Variants in TENM3 observed in about 807,000 individuals in gnomAD.
TENM3 encodes teneurin transmembrane protein 3, also known as teneurin-3.
Under a neutral mutation model 255.1 loss-of-function variants are expected in TENM3, and 63 were observed. The ratio of observed to expected loss-of-function variants is 0.25; its 90% CI spans 0.20 to 0.30. TENM3 has a LOEUF of 0.30. Ranked by LOEUF, TENM3 falls within the 10% of genes least tolerant of loss-of-function variation. TENM3 has a pLI of 1.00. For missense variants in TENM3, 2,929 were observed against 3,461.1 expected (o/e 0.85, Z 3.86); for synonymous variants, 1,306 against 1,322.3 (o/e 0.99, Z 0.27).
intron 3 of TENM3, among the ~76,000 whole-genome samples, chr4:182,557,999 G>C (rs1742746315): frequency 6.6e-6 from 1 of 152,162 alleles, no homozygotes; most frequent in Non-Finnish European, 1.5e-5. Context: ...ATTAGAAAGA[G>C]AGAGAACTTG....
the TENM3 span, among the ~76,000 whole-genome samples, chr4:182,131,881 C>A: frequency 6.6e-6 from 1 of 152,122 alleles, no homozygotes; most frequent in African/African-American, 2.4e-5. Context: ...AGCAAACTTA[C>A]AATTCACCTT....
chr4:182,715,660 T>G (rs1759098186), intron 13 of TENM3, among the ~76,000 whole-genome samples: 1 of 152,118 alleles, frequency 6.6e-6, no homozygotes. Flanking sequence ...AGCCTTTGCC[T>G]TTCTATACCT....
chr4:182,253,653 T>G (rs1056925402), intron 1 of TENM3, among the ~76,000 whole-genome samples: 9 of 152,176 alleles, frequency 5.9e-5, no homozygotes, highest in African/African-American at 1.7e-4. Flanking sequence ...TTTCTTAAAT[T>G]GCCTCTCCTT....
At chr4:181,532,953 A>G in the TENM3 span, among the ~76,000 whole-genome samples, 2 of 152,164 alleles carry the variant, frequency 1.3e-5, no homozygotes, top group African/African-American at 2.4e-5. Context: ...TTTGTTTAAG[A>G]CTGTGAAATG....
chr4:182,737,148 C>A, intron 17 of TENM3, 73 bp downstream of exon 17: 1 of 1,464,540 alleles, frequency 6.8e-7, no homozygotes, highest in African/African-American at 1.4e-5. Flanking sequence ...TAATTGTAAC[C>A]CAGGGAAGTC....
the TENM3 span, among the ~76,000 whole-genome samples, chr4:182,034,011 A>C: frequency 6.6e-6 from 1 of 152,320 alleles, no homozygotes; most frequent in East Asian, 1.9e-4. Context: ...TTTAAAGGAA[A>C]GAGGTCAAAT....
chr4:182,262,333 G>C (rs760638039), intron 1 of TENM3, among the ~76,000 whole-genome samples: 1 of 152,194 alleles, frequency 6.6e-6, no homozygotes, highest in Non-Finnish European at 1.5e-5. Flanking sequence ...GGCAAAATGA[G>C]GCTGAAACCT....
chr4:182,680,901 TAAAAA>T (rs1281492934), intron 10 of TENM3, among the ~76,000 whole-genome samples, 164 bp downstream of exon 10: 3 of 152,186 alleles, frequency 2.0e-5, no homozygotes, highest in Non-Finnish European at 4.4e-5. Context: ...TTTTAACTAA[TAAAAA>T]GAACAAGCAC....
intron 3 of TENM3, among the ~76,000 whole-genome samples, chr4:182,502,415 GT>G (rs768123354): frequency 2.6e-4 from 40 of 152,156 alleles, no homozygotes; most frequent in Admixed American, 8.5e-4. Flanking sequence ...CTATTTTGCA[GT>G]TTTCTCTTTC....
Position 182,442,841 on chromosome 4 carries a change from CAT to C in TENM3, c.511+95918_511+95919del, listed in dbSNP as rs796163852. Reference sequence around the variant, plus strand: ...ATATATACATATATATACATACATACATATATACACACACACACACACACACA... The same window carrying C: ...ATATATACATATATATACATACATACATATACACACACACACACACACACA... On this transcript the variant is annotated intron_variant, in intron 3 of 27. Transcript: ENST00000511685. 2.6e-3 allele frequency among the ~76,000 whole-genome samples: 237 copies of C among 92,400 alleles called. 2 individuals are homozygous for C. Among genetic ancestry groups the C allele is most frequent in the African/African-American group, 9.6e-3 (223 of 23,252 alleles). The allele number at this position is 92,400 out of a possible 152,430, so 60.6% of individuals were successfully genotyped here. A position where few individuals can be genotyped will look rare whatever the true frequency, so the allele number is the denominator to read the frequency against.
At chr4:182,343,298 T>C (rs2150639422) in intron 2 of TENM3, among the ~76,000 whole-genome samples, 1 of 152,324 alleles carries the variant, frequency 6.6e-6, no homozygotes. Context: ...GAAACTCTTG[T>C]TGGCTCTGCT....
At chr4:182,263,914 T>C (rs1443357876) in intron 1 of TENM3, among the ~76,000 whole-genome samples, 3 of 152,180 alleles carry the variant, frequency 2.0e-5, no homozygotes, top group Admixed American at 2.0e-4. Flanking sequence ...ATCACTTGTA[T>C]TTTGCTCTGG....
chr4:182,030,175 G>A, the TENM3 span, among the ~76,000 whole-genome samples: 15 of 151,890 alleles, frequency 9.9e-5, no homozygotes, highest in East Asian at 1.9e-4. Flanking sequence ...CTATCAACCC[G>A]TTACCTATGT....
At chr4:182,331,897 G>A (rs1031150801) in intron 2 of TENM3, among the ~76,000 whole-genome samples, 4 of 152,136 alleles carry the variant, frequency 2.6e-5, no homozygotes, top group East Asian at 1.9e-4. Context: ...GTTAAAACAC[G>A]TTAGTAGTGA....
chr4:181,586,699 G>T, the TENM3 span, among the ~76,000 whole-genome samples: 5 of 152,164 alleles, frequency 3.3e-5, no homozygotes, highest in Admixed American at 6.5e-5. Flanking sequence ...AATTAGCCAG[G>T]CGTGGTGGCA....
At chr4:182,111,522 G>A in the TENM3 span, among the ~76,000 whole-genome samples, 11 of 152,152 alleles carry the variant, frequency 7.2e-5, no homozygotes, top group African/African-American at 1.9e-4. Context: ...AGAAAGCGGC[G>A]AAAGTGTTTA....
chr4:181,810,371 C>T, the TENM3 span, among the ~76,000 whole-genome samples: 1 of 152,138 alleles, frequency 6.6e-6, no homozygotes, highest in African/African-American at 2.4e-5. Flanking sequence ...TTATCTGAAA[C>T]ATCTGGCACC....
chr4:182,237,420 C>T (rs1008364377), intron 1 of TENM3, among the ~76,000 whole-genome samples: 2 of 149,314 alleles, frequency 1.3e-5, no homozygotes, highest in Non-Finnish European at 2.9e-5. Context: ...GGCTGGGGTG[C>T]AATGGTGCTA....
chr4:182,787,529 T>A (rs1317651576), intron 24 of TENM3, among the ~76,000 whole-genome samples: 1 of 151,556 alleles, frequency 6.6e-6, no homozygotes, highest in Non-Finnish European at 1.5e-5. Context: ...AGGTCAGGAG[T>A]TCGAGACCAG....
Sources: gnomAD v4.1 joint callset for allele counts (sites outside exome capture counted in the v4.1 genomes callset) on GRCh38, gnomAD v4.1.1 for gene constraint, MANE v1.5 for transcripts, NCBI Gene and HGNC (gene_info 2026-07-23, HGNC 2026-07-21) for gene names.